ELP4: variants seen among roughly 807,000 people sequenced by gnomAD.
ELP4 encodes elongator acetyltransferase complex subunit 4.
Under a neutral mutation model 48.9 loss-of-function variants are expected in ELP4, and 51 were observed. That is an observed-to-expected ratio of 1.04 (90% CI 0.83 to 1.32). ELP4 has a LOEUF of 1.32. Ranked by LOEUF, ELP4 falls within the 40% of genes most tolerant of loss-of-function variation. ELP4 has a pLI of 0.00. For missense variants in ELP4, 519 were observed against 514.6 expected (o/e 1.01, Z -0.08); for synonymous variants, 210 against 189.2 (o/e 1.11, Z -0.90).
chr11:31,753,038 A>C lies in ELP4; in HGVS notation c.1144-30355A>C, dbSNP rs574203241. Among the ~76,000 whole-genome samples, 67 of 152,302 alleles carry C rather than the reference A, an allele frequency of 4.4e-4. 1 individual carries two copies. Among genetic ancestry groups the C allele is most frequent in the South Asian group, 1.7e-3 (8 of 4,820 alleles). Reference sequence around the variant, plus strand: ...TAAGGGTCATCGAGAAGATTAACCAATGTAAAGTACCTGGTGCGTTGCAAG... The same window carrying C: ...TAAGGGTCATCGAGAAGATTAACCACTGTAAAGTACCTGGTGCGTTGCAAG... On this transcript the variant is annotated intron_variant, in intron 9 of 9. Coordinates refer to ENST00000640961, the MANE Select transcript of ELP4 (RefSeq NM_019040.5).
intron 7 of ELP4, chr11:31,633,678 G>A (rs1212330809): frequency 3.3e-5 from 5 of 151,840 alleles, no homozygotes; most frequent in South Asian, 2.1e-4. Flanking sequence ...TTTAGTACTC[G>A]AATAATAGTT....
chr11:31,724,949 A>G (rs1443751833), intron 9 of ELP4, among the ~76,000 whole-genome samples: 2 of 152,102 alleles, frequency 1.3e-5, no homozygotes, highest in Non-Finnish European at 2.9e-5. Flanking sequence ...GATCCTCACT[A>G]TTTGAGATGT....
chr11:31,679,562 A>C (rs1946012368), intron 9 of ELP4, among the ~76,000 whole-genome samples: 1 of 152,164 alleles, frequency 6.6e-6, no homozygotes, highest in Non-Finnish European at 1.5e-5. Flanking sequence ...GAAGGACACC[A>C]GTCATATTGG....
rs769744953 is a variant in ELP4, at chr11:31,594,915, C to A, written c.513+14C>A. 3.9e-6 allele frequency: 6 copies of A among 1,542,160 alleles called. No homozygotes were observed. In the Admixed American group the frequency reaches 9.4e-5, roughly 24 times the overall value. On this transcript the variant is annotated intron_variant, in intron 4 of 9. Transcript: ENST00000640961. ...CCCAAGATGGAGGCAAGTAAACATA[C>A]AAATTCTTTCCAAAATTTGCAAATG...
At chr11:31,552,666 G>A (rs1956871735) in intron 3 of ELP4, among the ~76,000 whole-genome samples, 1 of 151,936 alleles carries the variant, frequency 6.6e-6, no homozygotes, top group African/African-American at 2.4e-5. Context: ...TTATTGCTTG[G>A]CCTCCCTGTT....
intron 6 of ELP4, among the ~76,000 whole-genome samples, 194 bp downstream of exon 6, chr11:31,627,388 T>C (rs1269710618): frequency 6.6e-6 from 1 of 152,006 alleles, no homozygotes; most frequent in African/African-American, 2.4e-5. Flanking sequence ...GAGTTTCAGC[T>C]AAGTTCTCAG....
intron 9 of ELP4, among the ~76,000 whole-genome samples, chr11:31,745,428 G>C (rs547395396): frequency 6.6e-6 from 1 of 152,114 alleles, no homozygotes; most frequent in African/African-American, 2.4e-5. Flanking sequence ...AGCCCACTTC[G>C]CCAAGTCAAT....
At chr11:31,712,065 G>T (rs1238716752) in intron 9 of ELP4, among the ~76,000 whole-genome samples, 6 of 151,874 alleles carry the variant, frequency 4.0e-5, no homozygotes. Context: ...GCTTGATTTT[G>T]CAAAGCTATC....
intron 9 of ELP4, among the ~76,000 whole-genome samples, chr11:31,693,406 A>T (rs1462417746): frequency 6.6e-6 from 1 of 151,546 alleles, no homozygotes; most frequent in Non-Finnish European, 1.5e-5. Flanking sequence ...AAGAATATGC[A>T]GTGTTTGGTT....
chr11:31,567,644 A>G (rs887367816), intron 3 of ELP4, among the ~76,000 whole-genome samples: 1 of 152,224 alleles, frequency 6.6e-6, no homozygotes, highest in African/African-American at 2.4e-5. Context: ...TGGTTTTGAT[A>G]TAAAGGCATA....
At chr11:31,539,546 C>T in intron 2 of ELP4, 116 bp from the exon 3 acceptor site, 3 of 1,032,036 alleles carry the variant, frequency 2.9e-6, no homozygotes, top group Non-Finnish European at 4.1e-6. Flanking sequence ...TGTTCCACCT[C>T]ATATACTTGT....
chr11:31,543,714 T>A (rs931328294), intron 3 of ELP4, among the ~76,000 whole-genome samples: 4 of 152,060 alleles, frequency 2.6e-5, no homozygotes, highest in African/African-American at 9.7e-5. Context: ...ATTACATAGA[T>A]AGGACCAAAG....
chr11:31,757,807 T>C (rs544569839), intron 9 of ELP4, among the ~76,000 whole-genome samples: 12 of 152,280 alleles, frequency 7.9e-5, no homozygotes, highest in Non-Finnish European at 1.5e-4. Flanking sequence ...GGAAACATCT[T>C]GGTAAAAAAT....
rs891105929 is a variant in ELP4 at position 31,632,102 on chromosome 11, C to T, written c.739-115C>T. Reference sequence around the variant, plus strand: ...ACTAATAGTACATAAAAATTTTTAACACATCTATTGACATTGTCTCCCTGA... The same window carrying T: ...ACTAATAGTACATAAAAATTTTTAATACATCTATTGACATTGTCTCCCTGA... On this transcript the variant is annotated intron_variant, in intron 6 of 9. Coordinates refer to ENST00000640961, the MANE Select transcript of ELP4 (RefSeq NM_019040.5). The T allele has an allele frequency of 6.6e-6, 5 of 756,554 alleles. No individual in the cohort carries two copies. In the African/African-American group the frequency reaches 7.1e-5, roughly 11 times the overall value. The allele number at this position is 756,554 out of a possible 1,614,324, so 46.9% of individuals were successfully genotyped here.
At chr11:31,685,330 A>G (rs920334633) in intron 9 of ELP4, among the ~76,000 whole-genome samples, 2 of 152,098 alleles carry the variant, frequency 1.3e-5, no homozygotes, top group African/African-American at 4.8e-5. Context: ...CAGCCTGGCT[A>G]CAGAGCAAGA....
intron 9 of ELP4, among the ~76,000 whole-genome samples, chr11:31,724,187 T>C (rs1947025947): frequency 6.6e-6 from 1 of 152,094 alleles, no homozygotes; most frequent in South Asian, 2.1e-4. Context: ...CCCTCTTATA[T>C]TGTTAGTGCA....
chr11:31,782,842 A>G (rs968421463), intron 9 of ELP4, among the ~76,000 whole-genome samples: 8 of 152,192 alleles, frequency 5.3e-5, no homozygotes, highest in African/African-American at 1.9e-4. Flanking sequence ...TCATTTTTTT[A>G]TGTTGTCAAC....
chr11:31,683,662 A>G (rs1176046636), intron 9 of ELP4, among the ~76,000 whole-genome samples: 2 of 152,216 alleles, frequency 1.3e-5, no homozygotes, highest in Non-Finnish European at 2.9e-5. Context: ...TTTGCTAAAC[A>G]TCTATTTAAA....
chr11:31,641,495 TG>T (rs1945095263), intron 7 of ELP4, among the ~76,000 whole-genome samples: 1 of 151,962 alleles, frequency 6.6e-6, no homozygotes, highest in African/African-American at 2.4e-5. Context: ...GGTGAAACAT[TG>T]GATCTTTATA....
Sources: allele counts gnomAD v4.1 joint callset (sites outside exome capture counted in the v4.1 genomes callset), GRCh38; gene constraint gnomAD v4.1.1; transcripts MANE v1.5; gene names NCBI Gene and HGNC (gene_info 2026-07-23, HGNC 2026-07-21).